The following GXYLT1 variants were observed in gnomAD, a reference collection of about 807,000 sequenced individuals.
GXYLT1 encodes glucoside xylosyltransferase 1.
In GXYLT1, 29 loss-of-function variants were observed where a neutral mutation model predicts 54.0. The ratio of observed to expected loss-of-function variants is 0.54; its 90% CI spans 0.40 to 0.73. The LOEUF is 0.73. Among genes scored for constraint, GXYLT1 ranks in the 30% least tolerant of loss-of-function variants. GXYLT1 has a pLI of 0.00. For synonymous variants in GXYLT1, 176 were observed against 204.1 expected, an observed-to-expected ratio of 0.86 and a Z score of 1.17; for missense variants, 490 against 553.4, an observed-to-expected ratio of 0.89 and a Z score of 1.15.
intron 2 of GXYLT1, among the ~76,000 whole-genome samples, chr12:42,119,969 T>C (rs2065520837): frequency 6.6e-6 from 1 of 152,202 alleles, no homozygotes; most frequent in South Asian, 2.1e-4. Context: ...ACTTTCTCAA[T>C]TCTCCCAAGA....
In GXYLT1 at chr12:42,087,858, A is replaced by T; in HGVS notation, c.1251T>A (p.Ile417=). The T allele has an allele frequency of 1.2e-6, 2 of 1,605,920 alleles. No individual in the cohort carries two copies. Among genetic ancestry groups the T allele is most frequent in the Non-Finnish European group, 1.7e-6 (2 of 1,174,654 alleles). Residue 417 remains isoleucine (I), a synonymous_variant, in exon 8 of 8, where the codon ATT becomes ATA. Transcript: ENST00000398675. ...QKTVHTYCGK[I]YKIFIKQLAK... Reference sequence around the variant, plus strand: ...CTAGTTGTTTGATAAATATTTTGTAAATTTTTCCACAGTATGTATGCACTG... The same window carrying T: ...CTAGTTGTTTGATAAATATTTTGTATATTTTTCCACAGTATGTATGCACTG...
At chr12:42,106,743 C>CTTTTTTTTTTTTTTTTTTTTTTTTTTT (rs1231770611) in intron 4 of GXYLT1, among the ~76,000 whole-genome samples, 1 of 127,632 alleles carries the variant, frequency 7.8e-6, no homozygotes, top group Non-Finnish European at 1.7e-5. Context: ...TATTATTTTT[C>CTTTTTTTTTTTTTTTTTTTTTTTTTTT]TTTTTTTTTT....
chr12:42,098,150 C>A, intron 5 of GXYLT1, 117 bp from the exon 6 acceptor site: 1 of 881,798 alleles, frequency 1.1e-6, no homozygotes, highest in Non-Finnish European at 1.8e-6. Context: ...GAAATGCAAA[C>A]TCCTCACAAT....
At chr12:42,116,071 A>C (rs537522560) in intron 3 of GXYLT1, among the ~76,000 whole-genome samples, 1 of 152,122 alleles carries the variant, frequency 6.6e-6, no homozygotes, top group African/African-American at 2.4e-5. Flanking sequence ...AAAACTGGCT[A>C]GCCATACGTA....
chr12:42,107,653 T>C lies in GXYLT1; in HGVS notation c.613-1584A>G, dbSNP rs574548731. ...TTGCAGTGAGCCAAGACTGCGCCAG[T>C]ACACTCCAGACTAGGCAATAGAGCA... On this transcript the variant is annotated intron_variant, in intron 4 of 7. Coordinates refer to ENST00000398675, the MANE Select transcript of GXYLT1 (RefSeq NM_173601.2). 6.6e-4 allele frequency among the ~76,000 whole-genome samples: 100 copies of C among 151,834 alleles called. 1 individual carries two copies. Among genetic ancestry groups the C allele is most frequent in the African/African-American group, 2.3e-3 (96 of 41,368 alleles).
intron 1 of GXYLT1, among the ~76,000 whole-genome samples, chr12:42,131,372 T>A (rs1178232540): frequency 6.6e-6 from 1 of 152,182 alleles, no homozygotes; most frequent in Non-Finnish European, 1.5e-5. Flanking sequence ...TCTGATCACA[T>A]CTCTCACAAA....
intron 4 of GXYLT1, among the ~76,000 whole-genome samples, chr12:42,106,517 T>C (rs2065422072): frequency 6.6e-6 from 1 of 152,240 alleles, no homozygotes; most frequent in Admixed American, 6.5e-5. Context: ...CGGTTTCAAC[T>C]AGTAAGTGGT....
Position 42,087,508 on chromosome 12 carries a change from T to A in GXYLT1, c.*278A>T, listed in dbSNP as rs1240917672. 1 of 290,000 alleles carries A rather than the reference T, an allele frequency of 3.4e-6. No homozygotes were observed. The highest frequency in any genetic ancestry group is 2.3e-5 in the African/African-American group (1 of 43,678). 18.0% of individuals were successfully genotyped at this position (290,000 alleles called of 1,614,324 possible). On this transcript the variant is annotated 3_prime_UTR_variant, in exon 8 of 8. Transcript: ENST00000398675. ...TCTTGAGAGTATGAGTCAACAGAAGTCTGCAGGTTAAACCCATTCAATAGT... is the reference window on the plus strand; with the variant it reads ...TCTTGAGAGTATGAGTCAACAGAAGACTGCAGGTTAAACCCATTCAATAGT...
chr12:42,128,071 T>C (rs1046527261), intron 2 of GXYLT1, among the ~76,000 whole-genome samples: 11 of 152,178 alleles, frequency 7.2e-5, no homozygotes, highest in African/African-American at 2.7e-4. Context: ...GAGAGGAGAA[T>C]GGTGGTTACC....
At chr12:42,111,113 G>C (rs942177016) in intron 3 of GXYLT1, among the ~76,000 whole-genome samples, 2 of 152,206 alleles carry the variant, frequency 1.3e-5, no homozygotes, top group African/African-American at 4.8e-5. Context: ...CCTAGGACAA[G>C]ATTAATTCCT....
At chr12:42,133,066 T>C (rs2136917818) in intron 1 of GXYLT1, among the ~76,000 whole-genome samples, 1 of 152,168 alleles carries the variant, frequency 6.6e-6, no homozygotes, top group Middle Eastern at 3.4e-3. Context: ...GCGGATCACT[T>C]GAGGTCAGGA....
chr12:42,098,760 C>CATATATGTATATATATAT (rs2065372040), intron 5 of GXYLT1, among the ~76,000 whole-genome samples: 1 of 96,918 alleles, frequency 1.0e-5, no homozygotes, highest in Non-Finnish European at 2.0e-5. Flanking sequence ...AAATTTAAAA[C>CATATATGTATATATATAT]ATATATATAT....
intron 7 of GXYLT1, among the ~76,000 whole-genome samples, chr12:42,089,371 A>AT (rs1483733901): frequency 1.3e-5 from 2 of 150,914 alleles, no homozygotes; most frequent in African/African-American, 4.9e-5. Flanking sequence ...TAGCATTAGG[A>AT]GACATACCTA....
Position 42,097,533 on chromosome 12 carries a change from T to C in GXYLT1, c.1070A>G (p.Glu357Gly), listed in dbSNP as rs200853648. 35 of 1,611,962 alleles carry C rather than the reference T, an allele frequency of 2.2e-5. No homozygotes were observed. The highest frequency in any genetic ancestry group is 4.4e-5 in the South Asian group (4 of 90,940). The part of the protein sequence containing the change: ...IYGSNCQEAE[E>G]GGIFILHGNR... ...CCCATGAAGAATAAAGATTCCTCCT[T>C]CTTCTGCTTCTTGGCAATTGCTTCC... The change falls in exon 7 of 8, where the codon GAA (glutamate) becomes GGA (glycine). Residue 357 changes from glutamate to glycine, a missense_variant. Around this residue, in one of 2 missense-constraint regions of GXYLT1, gnomAD observed 342 missense variants for 342.6 expected, o/e 1.00. Transcript: ENST00000398675.
At chr12:42,097,348 G>A in intron 7 of GXYLT1, 94 bp downstream of exon 7, 1 of 900,974 alleles carries the variant, frequency 1.1e-6, no homozygotes, top group Non-Finnish European at 1.6e-6. Flanking sequence ...GGCTGAGTGT[G>A]TGTAAAAATT....
At chr12:42,089,126 T>C (rs1315239923) in intron 7 of GXYLT1, among the ~76,000 whole-genome samples, 1 of 151,826 alleles carries the variant, frequency 6.6e-6, no homozygotes, top group African/African-American at 2.4e-5. Context: ...TCTAAAATTG[T>C]TTTGAAGATA....
At chr12:42,100,202 A>C (rs1476358019) in intron 5 of GXYLT1, among the ~76,000 whole-genome samples, 1 of 152,170 alleles carries the variant, frequency 6.6e-6, no homozygotes, top group African/African-American at 2.4e-5. Flanking sequence ...CTCGGGGACT[A>C]TCCAGAGTAA....
intron 2 of GXYLT1, among the ~76,000 whole-genome samples, chr12:42,124,397 G>A (rs11832868): frequency 6.6e-6 from 1 of 151,806 alleles, no homozygotes; most frequent in Non-Finnish European, 1.5e-5. Flanking sequence ...AAACAAATTA[G>A]AAACTTATTT....
intron 2 of GXYLT1, among the ~76,000 whole-genome samples, chr12:42,122,561 G>T (rs745429767): frequency 6.6e-6 from 1 of 152,186 alleles, no homozygotes; most frequent in Non-Finnish European, 1.5e-5. Flanking sequence ...TTGCACTACA[G>T]TCTGGGCAAC....
Sources: gnomAD v4.1 joint callset for allele counts (sites outside exome capture counted in the v4.1 genomes callset) on GRCh38, gnomAD v4.1.1 for gene constraint, gnomAD v4.1.1 regional missense constraint, MANE v1.5 for transcripts, NCBI Gene and HGNC (gene_info 2026-07-23, HGNC 2026-07-21) for gene names.